TASOR: variants seen among roughly 807,000 people sequenced by gnomAD.
TASOR encodes transcription activation suppressor, also known as protein TASOR.
TASOR carries 53 observed loss-of-function variants against 178.6 expected under a neutral mutation model. The observed-to-expected ratio is 0.30, with a 90% CI of 0.24 to 0.37. The LOEUF (loss-of-function observed/expected upper bound fraction) is 0.37, where lower values mean the gene tolerates loss of function less well. Ranked by LOEUF, TASOR falls within the 10% of genes least tolerant of loss-of-function variation. TASOR has a pLI of 1.00. For missense variants in TASOR, 1,815 were observed against 1,971.4 expected, an observed-to-expected ratio of 0.92 and a Z score of 1.50; for synonymous variants, 713 against 696.2, an observed-to-expected ratio of 1.02 and a Z score of -0.38.
intron 3 of TASOR, 75 bp downstream of exon 3, chr3:56,671,525 G>C: frequency 9.2e-7 from 1 of 1,083,006 alleles, no homozygotes; most frequent in Non-Finnish European, 1.3e-6. Flanking sequence ...AAAGAATACT[G>C]TTGAATAATC....
rs368946108 is a variant in TASOR, at chr3:56,621,818, T to TTAA, written c.*1218_*1219insTTA. The TTAA allele has an allele frequency of 2.2e-5, 3 of 133,968 alleles. No homozygotes were observed. Among genetic ancestry groups the TTAA allele is most frequent in the Non-Finnish European group, 3.1e-5 (2 of 64,426 alleles). The allele number at this position is 133,968 out of a possible 1,614,324, so 8.3% of individuals were successfully genotyped here. On this transcript the variant is annotated 3_prime_UTR_variant, in exon 24 of 24. Coordinates refer to ENST00000683822, the MANE Select transcript of TASOR (RefSeq NM_001365635.2). ...TACTTCTTTTGTAAAAGCTTAGTAG[T>TTAA]AAAAAAAAAAAAAAAAAAACCGGTT... is the stretch of plus-strand genomic sequence containing the variant.
At chr3:56,657,612 G>A (rs940262164) in intron 11 of TASOR, among the ~76,000 whole-genome samples, 5 of 152,140 alleles carry the variant, frequency 3.3e-5, no homozygotes, top group African/African-American at 1.2e-4. Flanking sequence ...ATCAAGTGGG[G>A]TAGATTAAGA....
chr3:56,647,736 C>G (rs977783074), intron 13 of TASOR, among the ~76,000 whole-genome samples: 2 of 152,192 alleles, frequency 1.3e-5, no homozygotes, highest in African/African-American at 2.4e-5. Context: ...TAGCTTAATA[C>G]ACAGTATTAA....
chr3:56,665,817 A>G (rs1559847673), intron 7 of TASOR, among the ~76,000 whole-genome samples: 1 of 152,094 alleles, frequency 6.6e-6, no homozygotes, highest in East Asian at 2.0e-4. Context: ...TAAAAATACA[A>G]AAAAATTAGC....
chr3:56,655,850 GTC>G (rs563237897), intron 11 of TASOR, among the ~76,000 whole-genome samples: 24 of 151,830 alleles, frequency 1.6e-4, no homozygotes, highest in African/African-American at 5.8e-4. Context: ...ATGTAATGTG[GTC>G]TCTCTCTCTC....
At chr3:56,678,099 G>C (rs2031470129) in intron 1 of TASOR, among the ~76,000 whole-genome samples, 1 of 151,132 alleles carries the variant, frequency 6.6e-6, no homozygotes. Context: ...ATTTCAACTG[G>C]AATTCAAATT....
chr3:56,641,397 A>G lies in TASOR; in HGVS notation c.2571T>C (p.Ala857=), dbSNP rs372532319. 1 of 1,598,154 alleles carries G rather than the reference A, an allele frequency of 6.3e-7. No homozygotes were observed. The highest frequency in any genetic ancestry group is 1.3e-5 in the African/African-American group (1 of 74,652). The change falls in exon 15 of 24, where the codon GCT becomes GCC. Residue 857 remains alanine (A), a synonymous_variant. Transcript: ENST00000683822. ...EVDATSKYSV[A]ISTSEVGTDH... Reference sequence around the variant, plus strand: ...CAGTGCCCACTTCGCTGGTAGAAATAGCAACAGAATACTTAGATGTTGCAT... The same window carrying G: ...CAGTGCCCACTTCGCTGGTAGAAATGGCAACAGAATACTTAGATGTTGCAT...
At chr3:56,642,749 C>T (rs1313045636) in intron 14 of TASOR, among the ~76,000 whole-genome samples, 4 of 151,820 alleles carry the variant, frequency 2.6e-5, no homozygotes, top group East Asian at 1.9e-4. Context: ...CTGAGGTGGG[C>T]AGATCACAAG....
chr3:56,666,166 T>C (rs1578277710), intron 7 of TASOR, 94 bp downstream of exon 7: 2 of 1,053,960 alleles, frequency 1.9e-6, no homozygotes, highest in Non-Finnish European at 2.5e-6. Context: ...AAAAAAAAAA[T>C]GGGAAGGAAA....
In TASOR at chr3:56,638,741, T is replaced by A; in HGVS notation, c.2789A>T (p.Asp930Val). The change falls in exon 17 of 24, where the codon GAC becomes GTC. Residue 930 changes from aspartate (D) to valine (V), a missense_variant. Asp to Val is a radical substitution (Grantham distance 152). This residue lies in a region of TASOR where 655 missense variants were observed against 671.1 expected (regional missense o/e 0.98). Coordinates refer to ENST00000683822, the MANE Select transcript of TASOR (RefSeq NM_001365635.2). ...ITGGNARSPE[D>V]QLGKHGEKQT... ...TTTCTCACCATGTTTCCCCAGCTGG[T>A]CTTCTGGGCTTCTTGCATTCCCTCC... The A allele has an allele frequency of 6.2e-7, 1 of 1,614,104 alleles. No individual in the cohort carries two copies. The highest frequency in any genetic ancestry group is 8.5e-7 in the Non-Finnish European group (1 of 1,180,002).
intron 17 of TASOR, among the ~76,000 whole-genome samples, chr3:56,634,227 C>A (rs1484581527): frequency 6.6e-6 from 1 of 152,230 alleles, no homozygotes; most frequent in East Asian, 1.9e-4. Context: ...GGCATCAATA[C>A]AAATTAAGTC....
chr3:56,652,277 A>G (rs2077368170), intron 11 of TASOR, among the ~76,000 whole-genome samples: 1 of 152,232 alleles, frequency 6.6e-6, no homozygotes, highest in South Asian at 2.1e-4. Flanking sequence ...ATAGAATTAT[A>G]TACTTTAAAA....
At position 56,627,098 on chromosome 3, in the gene TASOR, C is replaced by T. The variant is rs536366088; in HGVS notation, c.4078G>A (p.Glu1360Lys). ...TGGACTTTCCATTGCCATTTTCCTTCTGGAGTACTAAGTTCCTCAAGGAAT... is the reference window on the plus strand; with the variant it reads ...TGGACTTTCCATTGCCATTTTCCTTTTGGAGTACTAAGTTCCTCAAGGAAT... ...LTFLEELSTP[E>K]GKWQWKVHCK... is the part of the protein sequence containing the mutation. The change falls in exon 21 of 24, where the codon GAA (glutamate) becomes AAA (lysine). Residue 1360 changes from glutamate (E) to lysine (K), a missense_variant. By Grantham distance (56) the Glu-to-Lys change is moderately conservative. This residue lies in a region of TASOR where 134 missense variants were observed against 195.2 expected (regional missense o/e 0.69). Coordinates refer to ENST00000683822, the MANE Select transcript of TASOR (RefSeq NM_001365635.2). The T allele has an allele frequency of 6.2e-7, 1 of 1,613,106 alleles. No homozygotes were observed. The highest frequency in any genetic ancestry group is 2.2e-5 in the East Asian group (1 of 44,776).
chr3:56,682,528 G>A (rs899063939), intron 1 of TASOR, 148 bp downstream of exon 1: 18 of 692,512 alleles, frequency 2.6e-5, no homozygotes, highest in Non-Finnish European at 3.5e-5. Context: ...CGCGGCAGCT[G>A]GGCGGCCGTG....
Position 56,620,679 on chromosome 3 carries a change from T to C in TASOR, c.*2358A>G, listed in dbSNP as rs2076346506. The C allele has an allele frequency of 1.3e-5, 2 of 152,180 alleles. No individual in the cohort carries two copies. The highest frequency in any genetic ancestry group is 2.9e-5 in the Non-Finnish European group (2 of 68,026). The allele number at this position is 152,180 out of a possible 1,614,324, so 9.4% of individuals were successfully genotyped here. ...AAACAGGGTTACTAAGAGTTTTACA[T>C]AAGTTATTTCTTTAGAGTGACGAAG... On this transcript the variant is annotated 3_prime_UTR_variant, in exon 24 of 24. Coordinates refer to ENST00000683822, the MANE Select transcript of TASOR (RefSeq NM_001365635.2).
intron 11 of TASOR, among the ~76,000 whole-genome samples, chr3:56,659,872 TTC>T (rs1411159634): frequency 6.6e-6 from 1 of 152,056 alleles, no homozygotes; most frequent in Non-Finnish European, 1.5e-5. Flanking sequence ...TTCTTGGATT[TTC>T]TTTTTTCTTT....
intron 2 of TASOR, among the ~76,000 whole-genome samples, chr3:56,673,057 C>T (rs1416640687): frequency 6.6e-6 from 1 of 152,096 alleles, no homozygotes; most frequent in Non-Finnish European, 1.5e-5. Context: ...GCGACCCGTC[C>T]ACCTCGGCCT....
intron 1 of TASOR, among the ~76,000 whole-genome samples, chr3:56,682,378 G>T (rs2031871708): frequency 6.6e-6 from 1 of 152,124 alleles, no homozygotes; most frequent in African/African-American, 2.4e-5. Context: ...TTCAGGGGCT[G>T]GGAGGGAGGG....
intron 11 of TASOR, among the ~76,000 whole-genome samples, chr3:56,649,761 T>C (rs1010991447): frequency 2.0e-5 from 3 of 152,226 alleles, no homozygotes; most frequent in African/African-American, 7.2e-5. Context: ...AAAGTGGATT[T>C]TGAAGAATGG....
Sources: allele counts gnomAD v4.1 joint callset (sites outside exome capture counted in the v4.1 genomes callset), GRCh38; gene constraint gnomAD v4.1.1; regional missense constraint gnomAD v4.1.1; transcripts MANE v1.5; gene names NCBI Gene and HGNC (gene_info 2026-07-23, HGNC 2026-07-21).